LYPLAL1: variants seen among roughly 807,000 people sequenced by gnomAD.
LYPLAL1 encodes lysophospholipase like 1, also known as lysophospholipase-like protein 1.
Under a neutral mutation model 19.7 loss-of-function variants are expected in LYPLAL1, and 23 were observed. The ratio of observed to expected loss-of-function variants is 1.17; its 90% CI spans 0.84 to 1.65. The LOEUF is 1.65. LYPLAL1 is among the 40% of genes most tolerant of loss of function. The pLI, the probability that LYPLAL1 is intolerant of heterozygous loss-of-function variation, is 0.00. For synonymous variants in LYPLAL1, 119 were observed against 96.3 expected, an observed-to-expected ratio of 1.24 and a Z score of -1.38; for missense variants, 355 against 279.4, an observed-to-expected ratio of 1.27 and a Z score of -1.93.
chr1:219,421,089 CA>C, the LYPLAL1 span, among the ~76,000 whole-genome samples: 1 of 152,162 alleles, frequency 6.6e-6, no homozygotes, highest in Non-Finnish European at 1.5e-5. Flanking sequence ...TGAGATTTGA[CA>C]TGGCCAATAA....
At chr1:219,311,148 T>C in the LYPLAL1 span, among the ~76,000 whole-genome samples, 5 of 152,172 alleles carry the variant, frequency 3.3e-5, no homozygotes, top group Admixed American at 1.3e-4. Context: ...TTTTTTTTTT[T>C]TTTCTTTCTC....
the LYPLAL1 span, among the ~76,000 whole-genome samples, chr1:219,415,085 C>T: frequency 6.6e-6 from 1 of 152,104 alleles, no homozygotes; most frequent in Non-Finnish European, 1.5e-5. Flanking sequence ...AGAAGAATGC[C>T]AACAGCCTTC....
chr1:219,232,509 AG>A, the LYPLAL1 span, among the ~76,000 whole-genome samples: 2,416 of 152,298 alleles, frequency 0.016, 18 homozygotes, highest in Non-Finnish European at 0.023. Flanking sequence ...CAAAAGCATA[AG>A]CAGCAAAAGT....
chr1:219,227,200 G>C, the LYPLAL1 span, among the ~76,000 whole-genome samples: 473 of 152,306 alleles, frequency 3.1e-3, 3 homozygotes, highest in African/African-American at 0.011. Flanking sequence ...GAAAATCTCT[G>C]CTCTGAGGAG....
At chr1:219,359,485 T>C in the LYPLAL1 span, among the ~76,000 whole-genome samples, 382 of 152,324 alleles carry the variant, frequency 2.5e-3, 4 homozygotes, top group Middle Eastern at 3.4e-3. Flanking sequence ...CAGAAGCAGA[T>C]ACAGCAAAAT....
the LYPLAL1 span, among the ~76,000 whole-genome samples, chr1:219,313,251 G>A: frequency 6.6e-6 from 1 of 152,130 alleles, no homozygotes; most frequent in African/African-American, 2.4e-5. Flanking sequence ...ACTGAGTTGT[G>A]AGTCACCAAC....
At chr1:219,199,008 G>A (rs1268550593) in intron 3 of LYPLAL1, among the ~76,000 whole-genome samples, 1 of 152,086 alleles carries the variant, frequency 6.6e-6, no homozygotes, top group East Asian at 1.9e-4. Context: ...AGGTCTATAC[G>A]TGAACATATG....
the LYPLAL1 span, among the ~76,000 whole-genome samples, chr1:219,299,481 T>C: frequency 1.3e-5 from 2 of 152,184 alleles, no homozygotes; most frequent in Non-Finnish European, 2.9e-5. Flanking sequence ...AGTGAGAGCA[T>C]GAATACTGGT....
the LYPLAL1 span, among the ~76,000 whole-genome samples, chr1:219,440,079 A>AAC: frequency 3.9e-4 from 58 of 147,180 alleles, no homozygotes; most frequent in Middle Eastern, 3.6e-3. Context: ...AAGAAATTCA[A>AAC]ACACACACAC....
At chr1:219,445,477 T>C in the LYPLAL1 span, among the ~76,000 whole-genome samples, 2 of 151,726 alleles carry the variant, frequency 1.3e-5, no homozygotes, top group African/African-American at 4.8e-5. Flanking sequence ...GAAAATAAAT[T>C]ATTTTGGTGT....
the LYPLAL1 span, among the ~76,000 whole-genome samples, chr1:219,357,849 A>G: frequency 6.6e-6 from 1 of 152,212 alleles, no homozygotes; most frequent in Non-Finnish European, 1.5e-5. Context: ...AATACTATTC[A>G]GCAATAAAAT....
intron 3 of LYPLAL1, among the ~76,000 whole-genome samples, chr1:219,207,931 A>G (rs1359588361): frequency 6.6e-6 from 1 of 151,958 alleles, no homozygotes; most frequent in African/African-American, 2.4e-5. Flanking sequence ...CCACCCTAAC[A>G]TCATGGTCTG....
At chr1:219,219,339 T>C in the LYPLAL1 span, among the ~76,000 whole-genome samples, 1 of 152,194 alleles carries the variant, frequency 6.6e-6, no homozygotes, top group Non-Finnish European at 1.5e-5. Flanking sequence ...TGCAGTCACC[T>C]GAAGTCTACA....
the LYPLAL1 span, among the ~76,000 whole-genome samples, chr1:219,341,864 C>G: frequency 1.3e-5 from 2 of 152,018 alleles, no homozygotes; most frequent in Non-Finnish European, 2.9e-5. Flanking sequence ...GAAATCTGAA[C>G]CATGACAGTT....
At chr1:219,238,176 C>T in the LYPLAL1 span, among the ~76,000 whole-genome samples, 32 of 134,578 alleles carry the variant, frequency 2.4e-4, no homozygotes, top group African/African-American at 8.1e-4. Context: ...TAGGCTGGAT[C>T]GCCCCGGCTG....
the LYPLAL1 span, among the ~76,000 whole-genome samples, chr1:219,373,731 C>T: frequency 2.0e-5 from 3 of 152,064 alleles, no homozygotes; most frequent in African/African-American, 4.8e-5. Flanking sequence ...TCTATTATAG[C>T]GAAGTACAGC....
the LYPLAL1 span, among the ~76,000 whole-genome samples, chr1:219,311,567 T>C: frequency 6.6e-6 from 1 of 151,932 alleles, no homozygotes; most frequent in Non-Finnish European, 1.5e-5. Context: ...CACCATGTCT[T>C]TTTCATCTTT....
intron 2 of LYPLAL1, among the ~76,000 whole-genome samples, chr1:219,180,990 G>A (rs1387210084): frequency 1.3e-5 from 2 of 152,016 alleles, no homozygotes; most frequent in East Asian, 1.9e-4. Context: ...ATCATCGAAC[G>A]TTTTAGACCA....
At chr1:219,238,208 GCT>G in the LYPLAL1 span, among the ~76,000 whole-genome samples, 2 of 148,426 alleles carry the variant, frequency 1.3e-5, no homozygotes, top group African/African-American at 2.5e-5. Context: ...CGCAATCTCG[GCT>G]CTCTGCAACC....
Sources: allele counts gnomAD v4.1 joint callset (sites outside exome capture counted in the v4.1 genomes callset), GRCh38; gene constraint gnomAD v4.1.1; transcripts MANE v1.5; gene names NCBI Gene and HGNC (gene_info 2026-07-23, HGNC 2026-07-21).